Variants in DNAH6 observed in about 807,000 individuals in gnomAD.
DNAH6 encodes axonemal beta dynein heavy chain 6.
A neutral mutation model predicts 491.4 loss-of-function variants in DNAH6; 340 were observed. The observed-to-expected ratio is 0.69, with a 90% CI of 0.63 to 0.76. The LOEUF (loss-of-function observed/expected upper bound fraction) is 0.76. Ranked by LOEUF, DNAH6 falls within the 30% of genes least tolerant of loss-of-function variation. DNAH6 has a pLI of 0.00. For missense variants in DNAH6, 4,443 were observed against 4,972.2 expected (o/e 0.89, Z 3.20); for synonymous variants, 1,603 against 1,686.1 (o/e 0.95, Z 1.21).
rs1693316753 is a variant in DNAH6 at position 84,677,137 on chromosome 2, G to A, written c.6744+1G>A. On this transcript the variant is annotated splice_donor_variant, in intron 41 of 76. Coordinates refer to ENST00000389394, the MANE Select transcript of DNAH6 (RefSeq NM_001370.2). LOFTEE classifies it high-confidence loss of function. ...GCACAGTCTGAAACAGATTTTTCAGGTGAGTGTCGATTTTAACTTAGGCAA... is the reference window on the plus strand; with the variant it reads ...GCACAGTCTGAAACAGATTTTTCAGATGAGTGTCGATTTTAACTTAGGCAA... 6.4e-7 allele frequency: 1 copy of A among 1,551,632 alleles called. No individual in the cohort carries two copies. The highest frequency in any genetic ancestry group is 8.7e-7 in the Non-Finnish European group (1 of 1,146,920).
intron 26 of DNAH6, 40 bp from the exon 27 acceptor site, chr2:84,624,225 A>T (rs1687647452): frequency 6.6e-7 from 1 of 1,507,486 alleles, no homozygotes; most frequent in Admixed American, 2.3e-5. Flanking sequence ...ATGTAAGCTG[A>T]TATTGGAAAA....
chr2:84,553,346 TTTC>T (rs1406590138), intron 10 of DNAH6, among the ~76,000 whole-genome samples: 4 of 71,410 alleles, frequency 5.6e-5, no homozygotes, highest in Non-Finnish European at 1.1e-4. Context: ...TACCTTTTCC[TTTC>T]TTTTCTTTTC....
intron 2 of DNAH6, among the ~76,000 whole-genome samples, chr2:84,519,957 A>G (rs1352377670): frequency 6.6e-6 from 1 of 151,954 alleles, no homozygotes; most frequent in East Asian, 1.9e-4. Context: ...AATACTCTCC[A>G]TCTAGCTTTT....
intron 64 of DNAH6, among the ~76,000 whole-genome samples, chr2:84,766,623 T>C (rs1174719981): frequency 6.6e-6 from 1 of 152,038 alleles, no homozygotes; most frequent in Non-Finnish European, 1.5e-5. Flanking sequence ...CTAGAAAACA[T>C]AGACAAAATA....
the DNAH6 span, among the ~76,000 whole-genome samples, chr2:84,495,573 T>C: frequency 6.6e-6 from 1 of 152,200 alleles, no homozygotes; most frequent in African/African-American, 2.4e-5. Context: ...CACTCATACA[T>C]ATTCACATTG....
rs1676285182 is a variant in DNAH6 at position 84,777,725 on chromosome 2, C to T, written c.10704-3768C>T. 1.4e-5 allele frequency: 12 copies of T among 834,634 alleles called. No individual in the cohort carries two copies. The South Asian group carries it at 1.6e-4, about 11-fold the overall frequency. The allele number at this position is 834,634 out of a possible 1,614,324, so 51.7% of individuals were successfully genotyped here. The stretch of plus-strand genomic sequence containing the variant: ...TAATGGGTGAACTCCCAGCCCTTCC[C>T]CCATCAGGTAACGGAATCGGGCTGA... On this transcript the variant is annotated intron_variant, in intron 64 of 76. Coordinates refer to ENST00000389394, the MANE Select transcript of DNAH6 (RefSeq NM_001370.2).
At chr2:84,589,667 G>A (rs1398580238) in intron 16 of DNAH6, among the ~76,000 whole-genome samples, 2 of 146,346 alleles carry the variant, frequency 1.4e-5, no homozygotes, top group African/African-American at 2.5e-5. Context: ...AGCCAAGATC[G>A]TGACACCGCA....
Position 84,722,687 on chromosome 2 carries a change from T to C in DNAH6, c.9855T>C (p.Asn3285=), listed in dbSNP as rs1303816301. ...EEAESTEQMI[N]VAREKYRPVA... ...CAGAGTCCACTGAGCAGATGATCAA[T>C]GTGGCTCGTGAGAAGTATCGTCCAG... The change falls in exon 60 of 77, where the codon AAT becomes AAC. Residue 3285 remains asparagine (N), a synonymous_variant. Transcript: ENST00000389394. 1 of 1,550,298 alleles carries C rather than the reference T, an allele frequency of 6.5e-7. No individual in the cohort carries two copies. Among genetic ancestry groups the C allele is most frequent in the African/African-American group, 1.4e-5 (1 of 72,974 alleles).
chr2:84,637,482 G>GT, intron 31 of DNAH6, 105 bp downstream of exon 31: 6 of 1,222,216 alleles, frequency 4.9e-6, no homozygotes, highest in Non-Finnish European at 6.6e-6. Context: ...CCCTATTAAT[G>GT]GTTACACATT....
chr2:84,763,199 A>G (rs1674753268), intron 64 of DNAH6, among the ~76,000 whole-genome samples: 1 of 152,186 alleles, frequency 6.6e-6, no homozygotes, highest in Non-Finnish European at 1.5e-5. Flanking sequence ...TGGAATAATT[A>G]TTGAAATTTG....
chr2:84,484,728 C>G, the DNAH6 span, among the ~76,000 whole-genome samples: 1 of 152,158 alleles, frequency 6.6e-6, no homozygotes, highest in African/African-American at 2.4e-5. Context: ...CTGATATAAT[C>G]TCCTCATCTT....
chr2:84,463,175 A>G, the DNAH6 span, among the ~76,000 whole-genome samples: 11 of 152,156 alleles, frequency 7.2e-5, no homozygotes, highest in Non-Finnish European at 1.5e-4. Flanking sequence ...ACCATCTAAG[A>G]GATTGTATCC....
intron 61 of DNAH6, among the ~76,000 whole-genome samples, chr2:84,730,284 G>A (rs189868096): frequency 6.6e-6 from 1 of 152,128 alleles, no homozygotes; most frequent in Non-Finnish European, 1.5e-5. Flanking sequence ...TAGAGTTTAG[G>A]GACAAACAGA....
intron 46 of DNAH6, among the ~76,000 whole-genome samples, chr2:84,697,347 A>G (rs186745473): frequency 1.4e-3 from 217 of 152,336 alleles, no homozygotes; most frequent in African/African-American, 4.2e-3. Flanking sequence ...ACTTGCACAT[A>G]TGACTTGACC....
At chr2:84,651,616 T>C (rs1690462134) in intron 33 of DNAH6, among the ~76,000 whole-genome samples, 1 of 152,014 alleles carries the variant, frequency 6.6e-6, no homozygotes, top group African/African-American at 2.4e-5. Flanking sequence ...TTTAAATCTG[T>C]GCCCATTGGC....
intron 58 of DNAH6, among the ~76,000 whole-genome samples, chr2:84,716,879 G>T (rs1005704890): frequency 6.6e-6 from 1 of 152,178 alleles, no homozygotes; most frequent in Non-Finnish European, 1.5e-5. Flanking sequence ...GGATGGAGCT[G>T]GGTCTGCCTG....
At chr2:84,652,016 C>G (rs1187684754) in intron 33 of DNAH6, among the ~76,000 whole-genome samples, 1 of 151,576 alleles carries the variant, frequency 6.6e-6, no homozygotes, top group African/African-American at 2.4e-5. Flanking sequence ...CATAATAAAC[C>G]TATAGAACTA....
chr2:84,484,372 T>G, the DNAH6 span, among the ~76,000 whole-genome samples: 251 of 152,338 alleles, frequency 1.6e-3, no homozygotes, highest in African/African-American at 5.8e-3. Flanking sequence ...AGTGTGTCTA[T>G]TTCATCTTGG....
At chr2:84,667,418 A>T (rs1188212833) in intron 37 of DNAH6, among the ~76,000 whole-genome samples, 1 of 152,166 alleles carries the variant, frequency 6.6e-6, no homozygotes, top group South Asian at 2.1e-4. Context: ...AAATCAAACA[A>T]CCACATCAAA....
Sources: gnomAD v4.1 joint callset for allele counts (sites outside exome capture counted in the v4.1 genomes callset) on GRCh38, gnomAD v4.1.1 for gene constraint, MANE v1.5 for transcripts, NCBI Gene and HGNC (gene_info 2026-07-23, HGNC 2026-07-21) for gene names.